PDE4B: variants seen among roughly 807,000 people sequenced by gnomAD.
PDE4B encodes phosphodiesterase 4B, also known as 3',5'-cyclic-AMP phosphodiesterase 4B.
PDE4B carries 20 observed loss-of-function variants against 82.2 expected under a neutral mutation model. The observed-to-expected ratio is 0.24, with a 90% CI of 0.17 to 0.35. PDE4B has a LOEUF of 0.35. PDE4B is among the 10% of genes least tolerant of loss of function. The probability of loss-of-function intolerance (pLI) is 1.00; values close to 1 mark genes in which losing one functional copy is unlikely to be tolerated. For synonymous variants in PDE4B, 320 were observed against 318.9 expected (o/e 1.00, Z -0.04); for missense variants, 655 against 907.2 (o/e 0.72, Z 3.57).
chr1:66,075,250 T>C (rs941853513), intron 3 of PDE4B, among the ~76,000 whole-genome samples: 1 of 152,040 alleles, frequency 6.6e-6, no homozygotes, highest in Non-Finnish European at 1.5e-5. Context: ...TATCCCATGC[T>C]AAGCCCCAAT....
rs896933640 is a variant in PDE4B, at chr1:66,177,026, G to T, written c.282-70434G>T. Among the ~76,000 whole-genome samples, 5 of 152,140 alleles carry T rather than the reference G, an allele frequency of 3.3e-5. No homozygotes were observed. In the South Asian group the frequency reaches 6.2e-4, roughly 19 times the overall value. Reference sequence around the variant, plus strand: ...GACAATCTGAGAAATGGCATAAAAGGGCTATGCATAAAGCTGCATGAGGTC... The same window carrying T: ...GACAATCTGAGAAATGGCATAAAAGTGCTATGCATAAAGCTGCATGAGGTC... On this transcript the variant is annotated intron_variant, in intron 3 of 16. Transcript: ENST00000341517.
Position 66,258,670 on chromosome 1 carries a change from C to T in PDE4B, c.584+807C>T, listed in dbSNP as rs187935762. ...TGACTTGCTAACAACCCCCTCCCCC[C>T]GCATAAGTTAGAGACACAGCAGGGC... On this transcript the variant is annotated intron_variant, in intron 6 of 16. Coordinates refer to ENST00000341517, the MANE Select transcript of PDE4B (RefSeq NM_002600.4). Among the ~76,000 whole-genome samples, 11 of 152,262 alleles carry T rather than the reference C, an allele frequency of 7.2e-5. No individual in the cohort carries two copies. In the East Asian group the frequency reaches 7.7e-4, roughly 11 times the overall value.
chr1:66,041,849 G>C (rs989977502), intron 3 of PDE4B, among the ~76,000 whole-genome samples: 8 of 88,262 alleles, frequency 9.1e-5, no homozygotes, highest in African/African-American at 1.3e-4. Context: ...CACACACACA[G>C]AATACCTAAT....
intron 3 of PDE4B, among the ~76,000 whole-genome samples, chr1:66,133,809 C>T (rs1012226370): frequency 3.3e-5 from 5 of 152,076 alleles, no homozygotes; most frequent in Non-Finnish European, 7.4e-5. Context: ...ACTCTTAGGC[C>T]CCAAACCTGG....
At chr1:66,261,160 A>G (rs550280189) in intron 6 of PDE4B, among the ~76,000 whole-genome samples, 24 of 152,332 alleles carry the variant, frequency 1.6e-4, no homozygotes, top group Admixed American at 1.4e-3. Context: ...GCTGAAATCA[A>G]TGAAATCAAT....
chr1:66,324,980 G>C (rs777167150), intron 7 of PDE4B, among the ~76,000 whole-genome samples: 5 of 151,978 alleles, frequency 3.3e-5, no homozygotes, highest in Non-Finnish European at 5.9e-5. Context: ...TAACTCTAAG[G>C]GAAAAAATCA....
At chr1:66,147,796 G>C (rs17128450) in intron 3 of PDE4B, among the ~76,000 whole-genome samples, 38 of 152,224 alleles carry the variant, frequency 2.5e-4, no homozygotes, top group African/African-American at 9.2e-4. Flanking sequence ...AGCCAGACTT[G>C]TAAGGAGCTC....
chr1:66,020,097 G>A (rs1194789868), intron 3 of PDE4B, among the ~76,000 whole-genome samples: 1 of 152,150 alleles, frequency 6.6e-6, no homozygotes, highest in Non-Finnish European at 1.5e-5. Context: ...TCAAAAGTTT[G>A]CATTACTGTT....
intron 3 of PDE4B, among the ~76,000 whole-genome samples, chr1:66,036,194 G>A (rs13374420): frequency 6.6e-6 from 1 of 152,080 alleles, no homozygotes; most frequent in Non-Finnish European, 1.5e-5. Flanking sequence ...TTATTGAGTA[G>A]TTTGAGTTCC....
At chr1:66,191,928 A>G (rs1647844350) in intron 3 of PDE4B, among the ~76,000 whole-genome samples, 1 of 152,132 alleles carries the variant, frequency 6.6e-6, no homozygotes, top group Admixed American at 6.6e-5. Context: ...ATGGGGGAAA[A>G]CACCCCATGA....
chr1:66,190,540 C>A (rs1216963016), intron 3 of PDE4B, among the ~76,000 whole-genome samples: 1 of 152,200 alleles, frequency 6.6e-6, no homozygotes, highest in African/African-American at 2.4e-5. Context: ...ATGGCGGGCA[C>A]CCCTCCCCCA....
intron 3 of PDE4B, among the ~76,000 whole-genome samples, chr1:65,983,640 T>C (rs1650803035): frequency 3.3e-5 from 5 of 152,160 alleles, no homozygotes; most frequent in Admixed American, 3.3e-4. Flanking sequence ...CAGCCATCTA[T>C]AAGCCACGGA....
intron 3 of PDE4B, among the ~76,000 whole-genome samples, chr1:66,226,074 G>C (rs950672402): frequency 1.3e-5 from 2 of 152,196 alleles, no homozygotes; most frequent in Non-Finnish European, 2.9e-5. Flanking sequence ...TGCAGTGCAG[G>C]AATTAGAAAT....
At chr1:66,201,357 T>G (rs911478044) in intron 3 of PDE4B, among the ~76,000 whole-genome samples, 18 of 148,734 alleles carry the variant, frequency 1.2e-4, no homozygotes, top group Middle Eastern at 3.4e-3. Flanking sequence ...GATGCTGGCC[T>G]CATAAAATGA....
chr1:66,364,009 A>G (rs954303569), intron 12 of PDE4B, among the ~76,000 whole-genome samples: 8 of 152,194 alleles, frequency 5.3e-5, no homozygotes, highest in African/African-American at 1.9e-4. Context: ...AGCAATTAAC[A>G]GAATTTCAGG....
At chr1:65,979,392 C>T (rs1330444325) in intron 3 of PDE4B, among the ~76,000 whole-genome samples, 5 of 152,300 alleles carry the variant, frequency 3.3e-5, no homozygotes, top group East Asian at 1.9e-4. Context: ...GTGGTGGTGC[C>T]GCTACTCCAT....
At chr1:66,339,054 A>AT (rs1459519524) in intron 8 of PDE4B, among the ~76,000 whole-genome samples, 1 of 150,306 alleles carries the variant, frequency 6.7e-6, no homozygotes, top group Non-Finnish European at 1.5e-5. Context: ...AGTTATTCTT[A>AT]TTTTTTAATT....
Position 65,819,167 on chromosome 1 carries a change from C to T in PDE4B, c.-71+25919C>T, listed in dbSNP as rs187115452. ...CATTGGCCAAAGCAAGCCACATGAC[C>T]TGTCCTAAATACAACAGGATGGGTA... On this transcript the variant is annotated intron_variant, in intron 1 of 16. Coordinates refer to ENST00000341517, the MANE Select transcript of PDE4B (RefSeq NM_002600.4). 2.6e-5 allele frequency among the ~76,000 whole-genome samples: 4 copies of T among 152,276 alleles called. No individual in the cohort carries two copies. In the East Asian group the frequency reaches 5.8e-4, roughly 22 times the overall value.
chr1:66,177,779 C>T (rs532641702), intron 3 of PDE4B, among the ~76,000 whole-genome samples: 43 of 152,200 alleles, frequency 2.8e-4, no homozygotes, highest in Non-Finnish European at 5.9e-4. Context: ...TATTGATTTC[C>T]AAGTAAGCCA....
Sources: gnomAD v4.1 joint callset for allele counts (sites outside exome capture counted in the v4.1 genomes callset) on GRCh38, gnomAD v4.1.1 for gene constraint, MANE v1.5 for transcripts, NCBI Gene and HGNC (gene_info 2026-07-23, HGNC 2026-07-21) for gene names.